ASAP1: variants seen among roughly 807,000 people sequenced by gnomAD.
ASAP1 encodes ArfGAP with SH3 domain, ankyrin repeat and PH domain 1.
ASAP1 carries 43 observed loss-of-function variants against 145.2 expected under a neutral mutation model. That is an observed-to-expected ratio of 0.30 (90% CI 0.23 to 0.38). The LOEUF is 0.38. Ranked by LOEUF, ASAP1 falls within the 10% of genes least tolerant of loss-of-function variation. The pLI, the probability that ASAP1 is intolerant of heterozygous loss-of-function variation, is 1.00. For synonymous variants in ASAP1, 546 were observed against 515.5 expected, an observed-to-expected ratio of 1.06 and a Z score of -0.80; for missense variants, 1,018 against 1,355.3, an observed-to-expected ratio of 0.75 and a Z score of 3.91.
chr8:130,118,082 C>T (rs2097559314), intron 20 of ASAP1, 79 bp downstream of exon 20: 1 of 1,242,558 alleles, frequency 8.0e-7, no homozygotes, highest in South Asian at 1.4e-5. Flanking sequence ...AATTCCCGAT[C>T]TAGGCCACTG....
At position 130,060,460 on chromosome 8, in the gene ASAP1, C is replaced by T. The variant is rs571848653; in HGVS notation, c.3192+119G>A. The T allele has an allele frequency of 6.7e-6, 9 of 1,348,956 alleles. No individual in the cohort carries two copies. The East Asian group carries it at 1.6e-4, about 24-fold the overall frequency. 83.6% of individuals were successfully genotyped at this position (1,348,956 alleles called of 1,614,324 possible). A position where few individuals can be genotyped will look rare whatever the true frequency, so the allele number is the denominator to read the frequency against. ...CCACCATCATGCTTGAACCAGAGCA[C>T]ATAAGGGTCAGGTGAGCAAGCTCTC... On this transcript the variant is annotated intron_variant, in intron 28 of 29. Transcript: ENST00000518721.
intron 3 of ASAP1, among the ~76,000 whole-genome samples, chr8:130,300,188 C>A (rs11271133): frequency 0.24 from 25,346 of 107,540 alleles, 3,057 homozygotes; most frequent in East Asian, 0.45. Flanking sequence ...AGAGAGAGAG[C>A]GAGCGAGCGA....
chr8:130,356,795 G>A (rs1826337090), intron 3 of ASAP1, among the ~76,000 whole-genome samples: 2 of 152,160 alleles, frequency 1.3e-5, no homozygotes, highest in Admixed American at 6.5e-5. Context: ...CTACGTGTGT[G>A]GAAACATGAG....
At chr8:130,252,813 T>C (rs1819282858) in intron 3 of ASAP1, among the ~76,000 whole-genome samples, 1 of 152,150 alleles carries the variant, frequency 6.6e-6, no homozygotes, top group Admixed American at 6.5e-5. Flanking sequence ...AAAATACTCA[T>C]GAAAACACCA....
intron 3 of ASAP1, among the ~76,000 whole-genome samples, chr8:130,349,616 C>T (rs1825884551): frequency 6.6e-6 from 1 of 152,184 alleles, no homozygotes; most frequent in Non-Finnish European, 1.5e-5. Flanking sequence ...ATTTCACCCT[C>T]CTCAACCCAA....
chr8:130,400,790 C>CAAAA (rs112753204), intron 2 of ASAP1, among the ~76,000 whole-genome samples: 2 of 103,048 alleles, frequency 1.9e-5, no homozygotes, highest in Admixed American at 1.0e-4. Flanking sequence ...GACTCCGTCT[C>CAAAA]AAAAAAAAAA....
rs543870688 is a variant in ASAP1, at chr8:130,155,546, T to C, written c.1011-2741A>G. Among the ~76,000 whole-genome samples the C allele has an allele frequency of 5.9e-5, 9 of 152,288 alleles. No homozygotes were observed. The East Asian group carries it at 7.7e-4, about 13-fold the overall frequency. ...TACGCCTGGCTAATTTTTGTAGAGATAGGGTTTTGCCATGTCGCCCAGGCT... is the reference window on the plus strand; with the variant it reads ...TACGCCTGGCTAATTTTTGTAGAGACAGGGTTTTGCCATGTCGCCCAGGCT... On this transcript the variant is annotated intron_variant, in intron 12 of 29. Transcript: ENST00000518721.
intron 3 of ASAP1, among the ~76,000 whole-genome samples, chr8:130,351,960 T>A (rs749999042): frequency 3.9e-5 from 6 of 152,214 alleles, no homozygotes; most frequent in Non-Finnish European, 5.9e-5. Flanking sequence ...CTCCCTTTGA[T>A]TCTACAGACA....
At chr8:130,081,597 A>AAT (rs386360989) in intron 25 of ASAP1, among the ~76,000 whole-genome samples, 3 of 151,288 alleles carry the variant, frequency 2.0e-5, no homozygotes, top group Admixed American at 6.6e-5. Context: ...CTGAAAAAAA[A>AAT]CTAACTGATC....
intron 3 of ASAP1, among the ~76,000 whole-genome samples, chr8:130,340,159 G>A (rs1825285607): frequency 6.6e-6 from 1 of 152,202 alleles, no homozygotes; most frequent in Non-Finnish European, 1.5e-5. Flanking sequence ...AAGGCTGAAA[G>A]GACTGGCTGG....
intron 20 of ASAP1, 40 bp downstream of exon 20, chr8:130,118,121 G>A: frequency 7.8e-6 from 12 of 1,536,776 alleles, no homozygotes; most frequent in Non-Finnish European, 1.1e-5. Flanking sequence ...AATTTATAAG[G>A]CATATTCAGG....
intron 3 of ASAP1, among the ~76,000 whole-genome samples, chr8:130,333,778 T>C (rs1467815694): frequency 6.6e-6 from 1 of 152,234 alleles, no homozygotes; most frequent in African/African-American, 2.4e-5. Context: ...ATTAGATGCA[T>C]TTATTCATTC....
chr8:130,237,012 G>T lies in ASAP1; in HGVS notation c.187-18C>A. On this transcript the variant is annotated intron_variant, in intron 3 of 29. Coordinates refer to ENST00000518721, the MANE Select transcript of ASAP1 (RefSeq NM_018482.4). ...TCTAGAGCCTAAAAGAGAAAAAAGGGGGAAAAGATATTAGAAGATTTGGTA... is the reference window on the plus strand; with the variant it reads ...TCTAGAGCCTAAAAGAGAAAAAAGGTGGAAAAGATATTAGAAGATTTGGTA... The T allele has an allele frequency of 6.5e-7, 1 of 1,528,178 alleles. No homozygotes were observed. The highest frequency in any genetic ancestry group is 8.8e-7 in the Non-Finnish European group (1 of 1,130,844). The allele number at this position is 1,528,178 out of a possible 1,614,324, so 94.7% of individuals were successfully genotyped here.
intron 13 of ASAP1, among the ~76,000 whole-genome samples, chr8:130,150,539 C>T (rs2097643674): frequency 6.6e-6 from 1 of 152,146 alleles, no homozygotes; most frequent in African/African-American, 2.4e-5. Context: ...CCTCACAAAT[C>T]CCAGGGGAGA....
At chr8:130,390,947 A>C (rs1432733802) in intron 2 of ASAP1, among the ~76,000 whole-genome samples, 2 of 124,482 alleles carry the variant, frequency 1.6e-5, no homozygotes, top group Admixed American at 8.5e-5. Context: ...CCGCCCCCCC[A>C]AAATTGAAAG....
chr8:130,334,094 G>T (rs952013096), intron 3 of ASAP1, among the ~76,000 whole-genome samples: 2 of 152,192 alleles, frequency 1.3e-5, no homozygotes, highest in African/African-American at 4.8e-5. Flanking sequence ...GAGGCAAGGA[G>T]ACGTGAAAAT....
At chr8:130,415,580 G>C (rs997741175) in intron 1 of ASAP1, among the ~76,000 whole-genome samples, 4 of 152,196 alleles carry the variant, frequency 2.6e-5, no homozygotes, top group Admixed American at 2.0e-4. Context: ...CTGAGGTCAG[G>C]AGTTCAAGAC....
At chr8:130,380,148 G>C (rs1827699571) in intron 2 of ASAP1, among the ~76,000 whole-genome samples, 1 of 152,218 alleles carries the variant, frequency 6.6e-6, no homozygotes, top group South Asian at 2.1e-4. Flanking sequence ...TGAGTACAAG[G>C]AGTCTATTTG....
intron 9 of ASAP1, among the ~76,000 whole-genome samples, chr8:130,174,315 A>T (rs1813802712): frequency 6.6e-6 from 1 of 152,212 alleles, no homozygotes. Flanking sequence ...CACATGTGTG[A>T]GTTCTGACTA....
Sources: allele counts gnomAD v4.1 joint callset (sites outside exome capture counted in the v4.1 genomes callset), GRCh38; gene constraint gnomAD v4.1.1; transcripts MANE v1.5; gene names NCBI Gene and HGNC (gene_info 2026-07-23, HGNC 2026-07-21).